The following PDE11A variants were observed in gnomAD, a reference collection of about 807,000 sequenced individuals.
PDE11A encodes dual 3',5'-cyclic-AMP and -GMP phosphodiesterase 11A.
PDE11A carries 100 observed loss-of-function variants against 100.5 expected under a neutral mutation model. The ratio of observed to expected loss-of-function variants is 1.00; its 90% CI spans 0.85 to 1.18. PDE11A has a LOEUF of 1.18. PDE11A is among the 50% of genes most tolerant of loss of function. The probability of loss-of-function intolerance (pLI) is 0.00; values close to 1 mark genes in which losing one functional copy is unlikely to be tolerated. For missense variants in PDE11A, 1,141 were observed against 1,152.6 expected (o/e 0.99, Z 0.15); for synonymous variants, 381 against 420.8 (o/e 0.91, Z 1.16).
chr2:178,028,421 C>T (rs1398882495), intron 1 of PDE11A, among the ~76,000 whole-genome samples: 1 of 152,106 alleles, frequency 6.6e-6, no homozygotes, highest in Admixed American at 6.6e-5. Context: ...TGGATCCCAT[C>T]AGCAGGAATC....
intron 2 of PDE11A, among the ~76,000 whole-genome samples, chr2:178,091,189 G>A (rs1237831899): frequency 6.6e-6 from 1 of 152,100 alleles, no homozygotes; most frequent in Non-Finnish European, 1.5e-5. Context: ...TCCTGCCACA[G>A]CCTCCCGAGT....
At chr2:177,894,089 G>A (rs2084572747) in intron 4 of PDE11A, among the ~76,000 whole-genome samples, 1 of 152,154 alleles carries the variant, frequency 6.6e-6, no homozygotes, top group Non-Finnish European at 1.5e-5. Flanking sequence ...ACAGTTTCCT[G>A]TTTATCCTGG....
At chr2:177,710,579 A>T (rs1420459749) in intron 13 of PDE11A, among the ~76,000 whole-genome samples, 1 of 152,208 alleles carries the variant, frequency 6.6e-6, no homozygotes, top group East Asian at 1.9e-4. Flanking sequence ...GCAGAGTAGC[A>T]AGAGACTGAA....
intron 15 of PDE11A, among the ~76,000 whole-genome samples, chr2:177,691,572 C>T (rs1284547810): frequency 2.0e-5 from 3 of 152,144 alleles, no homozygotes; most frequent in African/African-American, 7.2e-5. Flanking sequence ...TAACTAAGAA[C>T]ATTTTGGAGT....
At chr2:177,819,085 T>A (rs2083093395) in intron 7 of PDE11A, among the ~76,000 whole-genome samples, 3 of 152,086 alleles carry the variant, frequency 2.0e-5, no homozygotes, top group Admixed American at 6.6e-5. Flanking sequence ...CCACGGAATA[T>A]CAACAGGTAA....
chr2:177,887,067 T>C (rs2084446212), intron 4 of PDE11A, among the ~76,000 whole-genome samples: 1 of 152,096 alleles, frequency 6.6e-6, no homozygotes, highest in Non-Finnish European at 1.5e-5. Flanking sequence ...GGTGTAATAT[T>C]ACTACATAGC....
At chr2:177,785,844 A>C (rs1049931116) in intron 9 of PDE11A, among the ~76,000 whole-genome samples, 1 of 152,284 alleles carries the variant, frequency 6.6e-6, no homozygotes, top group Non-Finnish European at 1.5e-5. Flanking sequence ...AGGGGCGCCC[A>C]CCATTGCCCA....
At chr2:177,747,252 T>C (rs2081962076) in intron 10 of PDE11A, among the ~76,000 whole-genome samples, 1 of 152,198 alleles carries the variant, frequency 6.6e-6, no homozygotes. Flanking sequence ...GCTTCATTGC[T>C]CCTGAAATAC....
chr2:177,855,054 TTTC>T (rs2083806838), intron 5 of PDE11A, among the ~76,000 whole-genome samples: 1 of 152,130 alleles, frequency 6.6e-6, no homozygotes, highest in South Asian at 2.1e-4. Context: ...TTATAAAGGT[TTTC>T]TTCATTTCCT....
chr2:177,650,715 C>A (rs2080295586), intron 19 of PDE11A, among the ~76,000 whole-genome samples: 1 of 152,166 alleles, frequency 6.6e-6, no homozygotes, highest in Non-Finnish European at 1.5e-5. Flanking sequence ...TATATTGGAA[C>A]AAACCTTAAA....
At position 177,626,857 on chromosome 2, in the gene PDE11A, T is replaced by G. The variant is rs892808939; in HGVS notation, c.*2550A>C. On this transcript the variant is annotated 3_prime_UTR_variant, in exon 20 of 20. Transcript: ENST00000286063. ...CAGGGTTCTACACCTTCATTTTTTT[T>G]GGTTGGAAGTGCCATTTTTCTTTGT... 6.6e-6 allele frequency: 1 copy of G among 151,340 alleles called. No homozygotes were observed. The highest frequency in any genetic ancestry group is 1.9e-4 in the East Asian group (1 of 5,156). The allele number at this position is 151,340 out of a possible 1,614,324, so 9.4% of individuals were successfully genotyped here.
intron 2 of PDE11A, among the ~76,000 whole-genome samples, chr2:178,093,797 T>C (rs761176321): frequency 6.6e-6 from 1 of 152,172 alleles, no homozygotes; most frequent in Admixed American, 6.5e-5. Context: ...TTTTACACCA[T>C]GGAGGACCAG....
intron 4 of PDE11A, among the ~76,000 whole-genome samples, chr2:177,885,941 G>A (rs561548764): frequency 1.1e-4 from 16 of 152,244 alleles, no homozygotes; most frequent in African/African-American, 3.4e-4. Context: ...AAAGTACTTC[G>A]TAGAGTTCTT....
chr2:177,810,261 G>A (rs1253669448), intron 9 of PDE11A, among the ~76,000 whole-genome samples: 1 of 152,116 alleles, frequency 6.6e-6, no homozygotes, highest in East Asian at 1.9e-4. Flanking sequence ...TTTGTGGTGG[G>A]ATGCATTCAT....
At chr2:177,799,347 A>G (rs1431008424) in intron 9 of PDE11A, among the ~76,000 whole-genome samples, 2 of 152,224 alleles carry the variant, frequency 1.3e-5, no homozygotes, top group Non-Finnish European at 2.9e-5. Context: ...AATATGGTTC[A>G]TTAATTATAA....
chr2:178,016,131 A>ATTTTTTTTTTTT (rs55638601), intron 1 of PDE11A, among the ~76,000 whole-genome samples: 275 of 83,706 alleles, frequency 3.3e-3, no homozygotes, highest in Non-Finnish European at 3.8e-3. Flanking sequence ...TGCCTGGCTA[A>ATTTTTTTTTTTT]TTTTTTTTTT....
intron 1 of PDE11A, among the ~76,000 whole-genome samples, chr2:178,051,183 G>A (rs1212504714): frequency 6.6e-6 from 1 of 152,224 alleles, no homozygotes; most frequent in African/African-American, 2.4e-5. Context: ...CAAGCCAGAA[G>A]AGAGTGGGGG....
intron 19 of PDE11A, among the ~76,000 whole-genome samples, chr2:177,638,937 A>T (rs994745459): frequency 2.6e-5 from 4 of 152,250 alleles, no homozygotes; most frequent in Non-Finnish European, 5.9e-5. Context: ...GATGAACATC[A>T]CTAACCTGAA....
intron 4 of PDE11A, among the ~76,000 whole-genome samples, chr2:177,895,669 C>T (rs1376453644): frequency 6.6e-6 from 1 of 151,948 alleles, no homozygotes; most frequent in African/African-American, 2.4e-5. Flanking sequence ...AAGACAAATA[C>T]TGGATGATCT....
Sources: gnomAD v4.1 joint callset for allele counts (sites outside exome capture counted in the v4.1 genomes callset) on GRCh38, gnomAD v4.1.1 for gene constraint, MANE v1.5 for transcripts, NCBI Gene and HGNC (gene_info 2026-07-23, HGNC 2026-07-21) for gene names.